Variants in MTUS1 observed in about 807,000 individuals in gnomAD.
MTUS1 encodes microtubule associated scaffold protein 1.
MTUS1 carries 109 observed loss-of-function variants against 120.8 expected under a neutral mutation model. The observed-to-expected ratio is 0.90, with a 90% CI of 0.77 to 1.06. The LOEUF is 1.06. MTUS1 is among the 50% of genes least tolerant of loss of function. The pLI is 0.00. For missense variants in MTUS1, 2,210 were observed against 1,486.3 expected, an observed-to-expected ratio of 1.49 and a Z score of -8.01; for synonymous variants, 737 against 550.5, an observed-to-expected ratio of 1.34 and a Z score of -4.74.
At chr8:17,762,184 C>G (rs2049095018) in intron 1 of MTUS1, among the ~76,000 whole-genome samples, 1 of 152,140 alleles carries the variant, frequency 6.6e-6, no homozygotes, top group Non-Finnish European at 1.5e-5. Flanking sequence ...GAGGCTGAGG[C>G]AGGAGAATCA....
At chr8:17,734,995 A>G (rs1455784644) in intron 3 of MTUS1, among the ~76,000 whole-genome samples, 4 of 151,884 alleles carry the variant, frequency 2.6e-5, no homozygotes, top group Admixed American at 2.6e-4. Flanking sequence ...CTCACTGTAG[A>G]CTCAAATTTG....
At chr8:17,659,699 A>C (rs543739900) in intron 8 of MTUS1, among the ~76,000 whole-genome samples, 21 of 152,260 alleles carry the variant, frequency 1.4e-4, no homozygotes, top group Admixed American at 1.4e-3. Flanking sequence ...TTCATCTCAA[A>C]AACAAAAACA....
chr8:17,692,922 G>C (rs143394060), intron 6 of MTUS1, among the ~76,000 whole-genome samples: 306 of 152,252 alleles, frequency 2.0e-3, no homozygotes, highest in African/African-American at 7.1e-3. Flanking sequence ...GCCATCCCTC[G>C]ATACGTACGT....
At position 17,753,837 on chromosome 8, in the gene MTUS1, G is replaced by C; in HGVS notation, c.1971C>G (p.Pro657=). 2 of 1,613,842 alleles carry C rather than the reference G, an allele frequency of 1.2e-6. No homozygotes were observed. The highest frequency in any genetic ancestry group is 1.7e-6 in the Non-Finnish European group (2 of 1,179,854). The stretch of plus-strand genomic sequence containing the variant: ...TTTCAGGGCTAATCCTATCAATGTT[G>C]GGAACATAGGTCATTTCCAAACATT... ...SAECLEMTYV[P]NIDRISPEKK... Residue 657 remains proline, a synonymous_variant, in exon 2 of 15, where the codon CCC becomes CCG. Transcript: ENST00000693296.
At chr8:17,668,789 T>C (rs1005657431) in intron 8 of MTUS1, among the ~76,000 whole-genome samples, 1 of 152,182 alleles carries the variant, frequency 6.6e-6, no homozygotes, top group African/African-American at 2.4e-5. Context: ...CTAAGCCCAG[T>C]ACCCGATAGT....
chr8:17,712,795 G>T (rs531754106), intron 6 of MTUS1, among the ~76,000 whole-genome samples: 200 of 10,126 alleles, frequency 0.02, no homozygotes, highest in African/African-American at 0.046. Flanking sequence ...GGCTATCTTG[G>T]GAATGTTAAG....
intron 1 of MTUS1, among the ~76,000 whole-genome samples, chr8:17,765,700 AC>A (rs1224135726): frequency 1.0e-4 from 15 of 150,614 alleles, no homozygotes; most frequent in African/African-American, 3.7e-4. Flanking sequence ...ACACACACAC[AC>A]ACACACACAC....
At chr8:17,765,742 T>A (rs1383971629) in intron 1 of MTUS1, among the ~76,000 whole-genome samples, 1 of 151,474 alleles carries the variant, frequency 6.6e-6, no homozygotes, top group East Asian at 1.9e-4. Flanking sequence ...TTTTTTTGGT[T>A]TTATTTTTAT....
intron 9 of MTUS1, 81 bp from the exon 10 acceptor site, chr8:17,654,747 G>C: frequency 5.3e-6 from 5 of 944,708 alleles, no homozygotes; most frequent in Non-Finnish European, 8.6e-6. Flanking sequence ...CACATTAGGA[G>C]ACGTCACAGC....
At chr8:17,685,505 A>ATTAGT (rs1815591904) in intron 6 of MTUS1, among the ~76,000 whole-genome samples, 1 of 152,218 alleles carries the variant, frequency 6.6e-6, no homozygotes, top group Non-Finnish European at 1.5e-5. Flanking sequence ...CCTTATTCTA[A>ATTAGT]CAGTCTTTCA....
chr8:17,703,204 A>G (rs1385252448), intron 6 of MTUS1, among the ~76,000 whole-genome samples: 2 of 152,174 alleles, frequency 1.3e-5, no homozygotes, highest in Non-Finnish European at 2.9e-5. Context: ...GAGCCTATAA[A>G]TGGACGTGCG....
chr8:17,723,821 G>C lies in MTUS1; in HGVS notation c.2300C>G (p.Ser767Cys). The change falls in exon 4 of 15, where the codon TCC (serine) becomes TGC (cysteine). Residue 767 changes from serine to cysteine, a missense_variant. Physicochemically the swap from Ser to Cys is moderately radical, Grantham distance 112. Transcript: ENST00000693296. ...CCATGACGACTGTGCAGTTTTCAAG[G>C]ATGTAGGCTTTCCTTGGGGTTTAAA... Reference protein sequence around the residue: ...RRVSSSGKPTSLKTAQSSWVN... With the variant: ...RRVSSSGKPTCLKTAQSSWVN... 6.4e-7 allele frequency: 1 copy of C among 1,571,686 alleles called. No homozygotes were observed. The highest frequency in any genetic ancestry group is 8.6e-7 in the Non-Finnish European group (1 of 1,160,244).
At chr8:17,717,998 C>G (rs1473692144) in intron 4 of MTUS1, among the ~76,000 whole-genome samples, 1 of 152,198 alleles carries the variant, frequency 6.6e-6, no homozygotes, top group African/African-American at 2.4e-5. Context: ...TTCATATACT[C>G]TATGATCAAC....
At chr8:17,720,850 G>C (rs1483898305) in intron 4 of MTUS1, among the ~76,000 whole-genome samples, 2 of 152,124 alleles carry the variant, frequency 1.3e-5, no homozygotes, top group African/African-American at 4.8e-5. Flanking sequence ...ATTGTGAAAT[G>C]TTTTACACTA....
At chr8:17,749,446 G>A (rs924080358) in intron 2 of MTUS1, among the ~76,000 whole-genome samples, 6 of 151,924 alleles carry the variant, frequency 3.9e-5, no homozygotes, top group African/African-American at 4.8e-5. Context: ...ATCACATGAG[G>A]CCAGGAGTTC....
chr8:17,794,289 C>A (rs746861815), intron 1 of MTUS1, among the ~76,000 whole-genome samples: 4 of 151,906 alleles, frequency 2.6e-5, no homozygotes, highest in Non-Finnish European at 5.9e-5. Flanking sequence ...GATCACGCCA[C>A]TGCACTCCAG....
intron 1 of MTUS1, among the ~76,000 whole-genome samples, chr8:17,757,254 T>C (rs992073822): frequency 5.3e-5 from 8 of 152,176 alleles, no homozygotes; most frequent in Non-Finnish European, 8.8e-5. Context: ...ACAACACGGA[T>C]ATAATATTAC....
At position 17,645,880 on chromosome 8, in the gene MTUS1, C is replaced by G. The variant is rs1239912100; in HGVS notation, c.*46G>C. On this transcript the variant is annotated 3_prime_UTR_variant, in exon 15 of 15. Coordinates refer to ENST00000693296, the MANE Select transcript of MTUS1 (RefSeq NM_001363059.2). Reference sequence around the variant, plus strand: ...TCCTCCTTGGGGTCAGTCCTGCAGACCTGCATCAAAATGCTTTCAGAGAGT... The same window carrying G: ...TCCTCCTTGGGGTCAGTCCTGCAGAGCTGCATCAAAATGCTTTCAGAGAGT... 1.3e-6 allele frequency: 2 copies of G among 1,579,360 alleles called. No homozygotes were observed. Among genetic ancestry groups the G allele is most frequent in the Admixed American group, 3.7e-5 (2 of 54,456 alleles).
intron 1 of MTUS1, among the ~76,000 whole-genome samples, chr8:17,778,588 A>C (rs2050632776): frequency 6.6e-6 from 1 of 151,996 alleles, no homozygotes; most frequent in South Asian, 2.1e-4. Context: ...GGGAGGAGGC[A>C]GGCGGATCCC....
Sources: gnomAD v4.1 joint callset for allele counts (sites outside exome capture counted in the v4.1 genomes callset) on GRCh38, gnomAD v4.1.1 for gene constraint, MANE v1.5 for transcripts, NCBI Gene and HGNC (gene_info 2026-07-23, HGNC 2026-07-21) for gene names.